The following TDRP variants were observed in gnomAD, a reference collection of about 807,000 sequenced individuals.
The protein encoded by TDRP is testis development related protein.
Under a neutral mutation model 10.5 loss-of-function variants are expected in TDRP, and 12 were observed. The observed-to-expected ratio is 1.15, with a 90% CI of 0.73 to 1.86. TDRP has a LOEUF of 1.86. Ranked by LOEUF, TDRP falls within the 40% of genes most tolerant of loss-of-function variation. The pLI is 0.00. For synonymous variants in TDRP, 139 were observed against 95.4 expected, an observed-to-expected ratio of 1.46 and a Z score of -2.67; for missense variants, 353 against 229.2, an observed-to-expected ratio of 1.54 and a Z score of -3.49.
At chr8:520,021 G>C (rs916896420) in intron 1 of TDRP, among the ~76,000 whole-genome samples, 5 of 152,222 alleles carry the variant, frequency 3.3e-5, no homozygotes, top group Admixed American at 2.6e-4. Flanking sequence ...AGGGAATGGA[G>C]GTCACAGCAC....
At chr8:493,770 G>A (rs781108046) in intron 2 of TDRP, among the ~76,000 whole-genome samples, 15 of 150,842 alleles carry the variant, frequency 9.9e-5, no homozygotes, top group Non-Finnish European at 1.6e-4. Context: ...GTTTTTTTTG[G>A]TGGTGGTTGT....
chr8:508,615 T>C (rs574076190), intron 1 of TDRP, among the ~76,000 whole-genome samples: 1 of 152,200 alleles, frequency 6.6e-6, no homozygotes, highest in East Asian at 1.9e-4. Context: ...TCTCACCAGG[T>C]CCTGCCCTTG....
At chr8:514,745 C>T (rs746801896) in intron 1 of TDRP, among the ~76,000 whole-genome samples, 1 of 152,104 alleles carries the variant, frequency 6.6e-6, no homozygotes, top group Admixed American at 6.6e-5. Flanking sequence ...TCTATTTTTG[C>T]ATTCCAGCTC....
rs1321063248 is a variant in TDRP, at chr8:531,531, G to C, written c.108+13119C>G. Among the ~76,000 whole-genome samples the C allele has an allele frequency of 5.9e-5, 9 of 152,290 alleles. No individual in the cohort carries two copies. In the East Asian group the frequency reaches 1.7e-3, roughly 29 times the overall value. On this transcript the variant is annotated intron_variant, in intron 1 of 2. Coordinates refer to ENST00000324079, the MANE Select transcript of TDRP (RefSeq NM_001384899.1). The stretch of plus-strand genomic sequence containing the variant: ...TGTAGGACACCCAGCTGGTACTGAA[G>C]AATTGGTTGGTGTCAGAAGAAACCA...
chr8:538,170 C>A (rs137967940), intron 1 of TDRP, among the ~76,000 whole-genome samples: 84 of 152,276 alleles, frequency 5.5e-4, no homozygotes, highest in African/African-American at 1.7e-3. Context: ...TGCAGCCAAC[C>A]GCAAAGGAGT....
intron 1 of TDRP, among the ~76,000 whole-genome samples, chr8:521,460 T>A (rs2116822880): frequency 6.6e-6 from 1 of 152,232 alleles, no homozygotes; most frequent in South Asian, 2.1e-4. Flanking sequence ...CATGTGAATA[T>A]CCAGTTTTCC....
chr8:510,041 G>A (rs188398811), intron 1 of TDRP, among the ~76,000 whole-genome samples: 2 of 152,270 alleles, frequency 1.3e-5, no homozygotes, highest in East Asian at 1.9e-4. Context: ...TGACCTCCAG[G>A]AGGAAGCACA....
chr8:518,631 C>CA (rs5888806), intron 1 of TDRP, among the ~76,000 whole-genome samples: 96,014 of 151,744 alleles, frequency 0.63, 31,100 homozygotes, highest in Non-Finnish European at 0.7. Context: ...GTAACTTCGA[C>CA]CAGTTAAAGA....
At chr8:530,127 C>A (rs1802149711) in intron 1 of TDRP, among the ~76,000 whole-genome samples, 1 of 151,948 alleles carries the variant, frequency 6.6e-6, no homozygotes, top group South Asian at 2.1e-4. Context: ...ATGACTGGGT[C>A]AGCTTTTTAA....
intron 1 of TDRP, among the ~76,000 whole-genome samples, chr8:506,216 A>G (rs533025815): frequency 6.6e-6 from 1 of 152,250 alleles, no homozygotes; most frequent in Non-Finnish European, 1.5e-5. Flanking sequence ...AATGCTCCCA[A>G]GGGCACATAG....
intron 1 of TDRP, among the ~76,000 whole-genome samples, chr8:528,439 T>G (rs1374461880): frequency 7.6e-6 from 1 of 131,144 alleles, no homozygotes; most frequent in Non-Finnish European, 1.7e-5. Context: ...AATCAATATA[T>G]CAAAGAGATA....
intron 1 of TDRP, among the ~76,000 whole-genome samples, chr8:514,663 G>A (rs989159544): frequency 2.4e-4 from 37 of 152,186 alleles, no homozygotes; most frequent in African/African-American, 8.7e-4. Context: ...GGAGCTTGAA[G>A]CCCTCTCTCC....
chr8:496,117 C>CA (rs371015584), intron 1 of TDRP, among the ~76,000 whole-genome samples: 2 of 152,140 alleles, frequency 1.3e-5, no homozygotes, highest in Non-Finnish European at 2.9e-5. Context: ...ACACACTGCA[C>CA]AAAAACCTAC....
chr8:538,301 G>A (rs555555141), intron 1 of TDRP, among the ~76,000 whole-genome samples: 1 of 152,202 alleles, frequency 6.6e-6, no homozygotes, highest in Non-Finnish European at 1.5e-5. Context: ...CATCAAGGGT[G>A]AGGAGGTTCG....
intron 1 of TDRP, among the ~76,000 whole-genome samples, chr8:539,220 G>T (rs1422104900): frequency 6.6e-6 from 1 of 152,182 alleles, no homozygotes; most frequent in Admixed American, 6.5e-5. Context: ...GGTGAGATGG[G>T]AGTCACGAGG....
intron 1 of TDRP, among the ~76,000 whole-genome samples, chr8:500,517 C>G (rs1434467659): frequency 6.6e-6 from 1 of 152,202 alleles, no homozygotes; most frequent in Non-Finnish European, 1.5e-5. Flanking sequence ...AGATCCTCAT[C>G]TAACCAAGTG....
chr8:508,334 T>A (rs1483999230), intron 1 of TDRP, among the ~76,000 whole-genome samples: 2 of 152,372 alleles, frequency 1.3e-5, no homozygotes, highest in East Asian at 3.9e-4. Context: ...TAGTTCATTT[T>A]CACATTGCTA....
chr8:494,003 T>TGG (rs1563114959), intron 2 of TDRP, among the ~76,000 whole-genome samples: 240 of 149,170 alleles, frequency 1.6e-3, no homozygotes, highest in African/African-American at 5.7e-3. Context: ...GTTTTTTTTT[T>TGG]TTTTTTTTTT....
intron 1 of TDRP, among the ~76,000 whole-genome samples, chr8:541,009 G>C (rs896698669): frequency 2.0e-5 from 3 of 152,182 alleles, no homozygotes; most frequent in Admixed American, 6.5e-5. Flanking sequence ...TAACATGACA[G>C]TGAATTTAAC....
Sources: allele counts gnomAD v4.1 joint callset (sites outside exome capture counted in the v4.1 genomes callset), GRCh38; gene constraint gnomAD v4.1.1; transcripts MANE v1.5; gene names NCBI Gene and HGNC (gene_info 2026-07-23, HGNC 2026-07-21).